IL6R: variants seen among roughly 807,000 people sequenced by gnomAD.
IL6R encodes the protein interleukin-6 receptor subunit alpha.
IL6R carries 38 observed loss-of-function variants against 48.3 expected under a neutral mutation model. The observed-to-expected ratio is 0.79, with a 90% confidence interval of 0.61 to 1.03. The LOEUF is 1.03. IL6R is among the 50% of genes least tolerant of loss of function. IL6R has a pLI of 0.00. For synonymous variants in IL6R, 264 were observed against 256.2 expected (o/e 1.03, Z -0.29); for missense variants, 534 against 618.3 (o/e 0.86, Z 1.45).
intron 1 of IL6R, among the ~76,000 whole-genome samples, chr1:154,420,659 C>T (rs1434507182): frequency 2.6e-5 from 4 of 151,528 alleles, no homozygotes; most frequent in Admixed American, 2.6e-4. Flanking sequence ...CCTCAGCCTC[C>T]TGAGTAGCTG....
At chr1:154,458,250 G>A (rs1430636312) in intron 9 of IL6R, among the ~76,000 whole-genome samples, 2 of 152,128 alleles carry the variant, frequency 1.3e-5, no homozygotes, top group African/African-American at 4.8e-5. Context: ...GATTACAGGC[G>A]TGAGCCACCG....
chr1:154,446,069 C>CT (rs2149258206), intron 6 of IL6R, among the ~76,000 whole-genome samples: 1 of 152,170 alleles, frequency 6.6e-6, no homozygotes, highest in South Asian at 2.1e-4. Flanking sequence ...CCCCCATCTT[C>CT]TTTGTCTTCT....
chr1:154,411,784 C>T (rs1216282891), intron 1 of IL6R, among the ~76,000 whole-genome samples: 1 of 152,066 alleles, frequency 6.6e-6, no homozygotes, highest in Non-Finnish European at 1.5e-5. Flanking sequence ...AGGAGGATCA[C>T]TTGAGCCCAG....
intron 9 of IL6R, among the ~76,000 whole-genome samples, chr1:154,457,793 C>T (rs1425170112): frequency 6.6e-6 from 1 of 152,120 alleles, no homozygotes; most frequent in African/African-American, 2.4e-5. Flanking sequence ...GGAGACATTG[C>T]ACTCTGTCCT....
rs755883806 is a variant in IL6R, at chr1:154,435,072, C to T, written c.723C>T (p.Pro241=). 6.2e-7 allele frequency: 1 copy of T among 1,614,152 alleles called. No individual in the cohort carries two copies. Among genetic ancestry groups the T allele is most frequent in the Non-Finnish European group, 8.5e-7 (1 of 1,179,984 alleles). ...GGCTCAGTGTCACCTGGCAAGACCCCCACTCCTGGAACTCATCTTTCTACA... is the reference window on the plus strand; with the variant it reads ...GGCTCAGTGTCACCTGGCAAGACCCTCACTCCTGGAACTCATCTTTCTACA... ...PRWLSVTWQD[P]HSWNSSFYRL... The change falls in exon 5 of 10, where the codon CCC becomes CCT. Residue 241 remains proline (P), a synonymous_variant. Transcript: ENST00000368485.
chr1:154,430,093 C>A (rs1689200844), intron 2 of IL6R, among the ~76,000 whole-genome samples: 1 of 152,162 alleles, frequency 6.6e-6, no homozygotes, highest in Admixed American at 6.5e-5. Context: ...TTTCCATCAT[C>A]ATTACATTAT....
intron 6 of IL6R, among the ~76,000 whole-genome samples, chr1:154,440,559 A>G (rs769194970): frequency 3.8e-4 from 58 of 151,378 alleles, no homozygotes; most frequent in Non-Finnish European, 7.4e-4. Flanking sequence ...CCTTGCCAAC[A>G]TTTGTTATTT....
Position 154,465,360 on chromosome 1 carries a change from GA to G in IL6R, c.1388del (p.Asp463AlafsTer69), listed in dbSNP as rs897620451. The G allele has an allele frequency of 1.9e-6, 3 of 1,614,046 alleles. No individual in the cohort carries two copies. In the African/African-American group the frequency reaches 4.0e-5, roughly 22 times the overall value. On this transcript the variant is annotated frameshift_variant, in exon 10 of 10. Transcript: ENST00000368485. LOFTEE classifies it high-confidence loss of function. ...PRSPYDISNT[D>X]YFFPR ...GAGCCCTTATGACATCAGCAATACA[GA>G]CTACTTCTTCCCCAGATAGCTGGCT...
At chr1:154,413,127 G>A (rs1688130075) in intron 1 of IL6R, among the ~76,000 whole-genome samples, 2 of 151,594 alleles carry the variant, frequency 1.3e-5, no homozygotes, top group African/African-American at 2.4e-5. Context: ...TCAGCCTCCC[G>A]AGTAGCTGGG....
chr1:154,444,549 A>C (rs1047287646), intron 6 of IL6R, among the ~76,000 whole-genome samples: 16 of 152,194 alleles, frequency 1.1e-4, no homozygotes, highest in African/African-American at 3.9e-4. Flanking sequence ...CATAAAATGT[A>C]ACAAGTAAGT....
chr1:154,423,292 T>TATATA (rs1463974212), intron 1 of IL6R, among the ~76,000 whole-genome samples: 14 of 139,458 alleles, frequency 1.0e-4, no homozygotes, highest in East Asian at 4.2e-4. Context: ...TATGTATTCA[T>TATATA]TATAAGAGCA....
intron 9 of IL6R, among the ~76,000 whole-genome samples, chr1:154,458,192 G>A (rs533991011): frequency 1.3e-5 from 2 of 152,014 alleles, no homozygotes; most frequent in East Asian, 2.0e-4. Context: ...GGATGGTTTC[G>A]ATCTCCTGAC....
intron 1 of IL6R, among the ~76,000 whole-genome samples, chr1:154,412,806 A>G (rs549315242): frequency 4.7e-4 from 71 of 152,272 alleles, no homozygotes; most frequent in African/African-American, 1.5e-3. Context: ...TGAGGCCTAG[A>G]GAGGTTGAGA....
intron 7 of IL6R, 84 bp downstream of exon 7, chr1:154,448,255 T>A: frequency 9.3e-7 from 1 of 1,071,326 alleles, no homozygotes; most frequent in Non-Finnish European, 1.4e-6. Flanking sequence ...GAATTTGGTT[T>A]AAATCCAGTT....
rs1464852218 is a variant in IL6R, at chr1:154,454,484, C to G, written c.1067-4C>G. The G allele has an allele frequency of 1.9e-6, 3 of 1,598,820 alleles. No homozygotes were observed. Among genetic ancestry groups the G allele is most frequent in the African/African-American group, 1.3e-5 (1 of 74,392 alleles). On this transcript the variant is annotated splice_region_variant and splice_polypyrimidine_tract_variant and intron_variant, in intron 8 of 9. Transcript: ENST00000368485. ...CTCTATCTTCAATTTTTTTTTTAAC[C>G]TAGTGCAAGATTCTTCTTCAGTACC...
At chr1:154,425,665 T>C (rs984244492) in intron 1 of IL6R, among the ~76,000 whole-genome samples, 6 of 151,356 alleles carry the variant, frequency 4.0e-5, no homozygotes, top group African/African-American at 1.5e-4. Context: ...TCTCAGCTAC[T>C]TGGGAAGCTG....
chr1:154,416,411 T>C (rs1419326298), intron 1 of IL6R, among the ~76,000 whole-genome samples: 1 of 151,904 alleles, frequency 6.6e-6, no homozygotes. Context: ...TCCCAAAGTG[T>C]TGGCATTACA....
In IL6R at chr1:154,434,570, G is replaced by A. The variant is rs1339597670; in HGVS notation, c.510G>A (p.Glu170=). ...AGGAGCCGTGCCAGTATTCCCAGGA[G>A]TCCCAGAAGTTCTCCTGCCAGTTAG... is the stretch of plus-strand genomic sequence containing the variant. ...DFQEPCQYSQ[E]SQKFSCQLAV... The change falls in exon 4 of 10, where the codon GAG becomes GAA. Residue 170 remains glutamate, a synonymous_variant. Transcript: ENST00000368485. The A allele has an allele frequency of 2.5e-6, 4 of 1,613,954 alleles. No homozygotes were observed. The highest frequency in any genetic ancestry group is 3.4e-6 in the Non-Finnish European group (4 of 1,180,018).
chr1:154,459,573 A>G (rs1691123514), intron 9 of IL6R, among the ~76,000 whole-genome samples: 1 of 152,194 alleles, frequency 6.6e-6, no homozygotes, highest in African/African-American at 2.4e-5. Context: ...AGTGTATACT[A>G]TATTTTTTTG....
Sources: allele counts gnomAD v4.1 joint callset (sites outside exome capture counted in the v4.1 genomes callset), GRCh38; gene constraint gnomAD v4.1.1; transcripts MANE v1.5; gene names NCBI Gene and HGNC (gene_info 2026-07-23, HGNC 2026-07-21).